Variants in SARDH observed in about 807,000 individuals in gnomAD.
SARDH encodes the protein sarcosine dehydrogenase.
Under a neutral mutation model 109.1 loss-of-function variants are expected in SARDH, and 95 were observed. The ratio of observed to expected loss-of-function variants is 0.87; its 90% CI spans 0.74 to 1.03. The LOEUF is 1.03. SARDH is among the 50% of genes least tolerant of loss of function. The probability of loss-of-function intolerance (pLI) is 0.00; values close to 1 mark genes in which losing one functional copy is unlikely to be tolerated. For missense variants in SARDH, 1,267 were observed against 1,287.8 expected (o/e 0.98, Z 0.25); for synonymous variants, 572 against 534.8 (o/e 1.07, Z -0.96).
At chr9:133,688,358 A>T (rs923515636) in intron 16 of SARDH, among the ~76,000 whole-genome samples, 3 of 126,706 alleles carry the variant, frequency 2.4e-5, no homozygotes, top group Non-Finnish European at 5.1e-5. Context: ...CTCTCAGCAC[A>T]CCCCATCCAC....
intron 13 of SARDH, 76 bp from the exon 14 acceptor site, chr9:133,696,437 G>C: frequency 6.3e-7 from 1 of 1,596,120 alleles, no homozygotes; most frequent in Non-Finnish European, 8.6e-7. Context: ...GTGGAGAACG[G>C]GGGCTGTGTC....
downstream of SARDH, among the ~76,000 whole-genome samples, chr9:133,663,192 G>T (rs952021627): frequency 2.0e-5 from 3 of 152,356 alleles, no homozygotes; most frequent in Admixed American, 2.0e-4. Context: ...GGGAAACTGA[G>T]GCAGGAGCTG....
Position 133,704,373 on chromosome 9 carries a change from C to T in SARDH, c.1554+575G>A, listed in dbSNP as rs557052772. Among the ~76,000 whole-genome samples the T allele has an allele frequency of 3.9e-5, 6 of 152,268 alleles. No homozygotes were observed. Among genetic ancestry groups the T allele is most frequent in the Admixed American group, 1.3e-4 (2 of 15,306 alleles). On this transcript the variant is annotated intron_variant, in intron 12 of 20. Transcript: ENST00000439388. The surrounding 1 kb of genome is among the most constrained non-coding windows in gnomAD (Gnocchi z 4.5). The stretch of plus-strand genomic sequence containing the variant: ...CTTAAGGCCTCGCGTCCCCTGCTCC[C>T]GAGGGTCTGGGTCCCAGGTTTCACA...
chr9:133,681,292 C>A (rs1320148093), intron 17 of SARDH, among the ~76,000 whole-genome samples: 1 of 152,170 alleles, frequency 6.6e-6, no homozygotes, highest in Non-Finnish European at 1.5e-5. Context: ...AGTCCCAGGG[C>A]AGAGCCCCCC....
At chr9:133,660,931 T>C (rs1310600313), downstream of SARDH, among the ~76,000 whole-genome samples, 1 of 152,194 alleles carries the variant, frequency 6.6e-6, no homozygotes, top group Non-Finnish European at 1.5e-5. Flanking sequence ...GGTCGGGTGC[T>C]GTGGCTCATG....
intron 13 of SARDH, among the ~76,000 whole-genome samples, chr9:133,698,105 A>C (rs1399028912): frequency 6.6e-6 from 1 of 152,006 alleles, no homozygotes; most frequent in Admixed American, 6.5e-5. Context: ...AAAAACACAC[A>C]AAAAACTATT....
At position 133,718,468 on chromosome 9, in the gene SARDH, G is replaced by A. The variant is rs931326457; in HGVS notation, c.1020+470C>T. 1.9e-5 allele frequency: 10 copies of A among 515,134 alleles called. No individual in the cohort carries two copies. The highest frequency in any genetic ancestry group is 3.1e-5 in the South Asian group (1 of 32,006). The allele number at this position is 515,134 out of a possible 1,614,324, so 31.9% of individuals were successfully genotyped here. On this transcript the variant is annotated intron_variant, in intron 7 of 20. Coordinates refer to ENST00000439388, the MANE Select transcript of SARDH (RefSeq NM_001134707.2). The surrounding 1 kb of genome is among the most constrained non-coding windows in gnomAD (Gnocchi z 4.2). The stretch of plus-strand genomic sequence containing the variant: ...CCCTCTTTCTCCAGAAATTAAAGCA[G>A]TTTTTAGCCCAAAGTAGCCACTCAG...
At chr9:133,674,876 G>A (rs766750906) in intron 17 of SARDH, among the ~76,000 whole-genome samples, 2 of 152,232 alleles carry the variant, frequency 1.3e-5, no homozygotes, top group Non-Finnish European at 2.9e-5. Flanking sequence ...TCAGATGGAA[G>A]GACATTGATC....
upstream of SARDH, chr9:133,738,507 G>C (rs1832959361): frequency 6.6e-6 from 1 of 152,314 alleles, no homozygotes; most frequent in South Asian, 2.1e-4. Context: ...GGCAGAGCAG[G>C]GTTGTGAACC....
intron 16 of SARDH, among the ~76,000 whole-genome samples, chr9:133,688,018 C>T (rs938737412): frequency 2.0e-5 from 3 of 152,112 alleles, no homozygotes; most frequent in African/African-American, 2.4e-5. Context: ...GCACCTTGAT[C>T]GGTCCATCTG....
rs1832809255 is a variant in SARDH at position 133,734,423 on chromosome 9, A to G, written c.-30-220T>C. ...CATTCATTCACTCATTCATTCATTC[A>G]TTCACTCATTCATTCACTCATTCAT... On this transcript the variant is annotated intron_variant, in intron 1 of 20. Transcript: ENST00000439388. 4.3e-5 allele frequency among the ~76,000 whole-genome samples: 3 copies of G among 69,404 alleles called. No homozygotes were observed. The East Asian group carries it at 1.2e-3, about 28-fold the overall frequency. The allele number at this position is 69,404 out of a possible 152,430, so 45.5% of individuals were successfully genotyped here.
intron 6 of SARDH, chr9:133,725,764 A>G (rs561127676): frequency 2.3e-4 from 52 of 229,236 alleles, no homozygotes; most frequent in Middle Eastern, 2.5e-3. Context: ...TAACCAATAA[A>G]CAAGCCAAAC....
chr9:133,679,340 T>C (rs966574642), intron 17 of SARDH, among the ~76,000 whole-genome samples: 3 of 152,232 alleles, frequency 2.0e-5, no homozygotes, highest in Non-Finnish European at 2.9e-5. Context: ...TTATCTAACG[T>C]GTGTGGGTGC....
At chr9:133,732,401 C>A in intron 3 of SARDH, 22 bp downstream of exon 3, 3 of 788,040 alleles carry the variant, frequency 3.8e-6, no homozygotes, top group Non-Finnish European at 4.0e-6. Flanking sequence ...CCCCTCCTTG[C>A]CCCCCGCAGG....
intron 14 of SARDH, among the ~76,000 whole-genome samples, 192 bp from the exon 15 acceptor site, chr9:133,694,563 C>T (rs2131392324): frequency 6.6e-6 from 1 of 152,322 alleles, no homozygotes; most frequent in East Asian, 1.9e-4. Context: ...CTTAATGACC[C>T]AGAGAGGACT....
At position 133,703,013 on chromosome 9, in the gene SARDH, T is replaced by A; in HGVS notation, c.1571A>T (p.Tyr524Phe). 6.2e-7 allele frequency: 1 copy of A among 1,613,346 alleles called. No homozygotes were observed. Among genetic ancestry groups the A allele is most frequent in the Non-Finnish European group, 8.5e-7 (1 of 1,179,950 alleles). Reference protein sequence around the residue: ...RGPAPVLEYDYYGAYGSRAHE... With the variant: ...RGPAPVLEYDFYGAYGSRAHE... ...CGCGCGGCTCCCGTAAGCCCCGTAG[T>A]AGTCGTACTCGAGGACCTGGGAAGA... The change falls in exon 13 of 21, where the codon TAC becomes TTC. Residue 524 changes from tyrosine to phenylalanine, a missense_variant. By Grantham distance (22) the Tyr-to-Phe change is conservative. Transcript: ENST00000439388.
At chr9:133,699,418 A>G (rs763045026) in intron 13 of SARDH, among the ~76,000 whole-genome samples, 1 of 152,164 alleles carries the variant, frequency 6.6e-6, no homozygotes, top group Non-Finnish European at 1.5e-5. Flanking sequence ...AGGCAGGAGC[A>G]TTGCTTGAAC....
At chr9:133,696,690 A>T (rs948418384) in intron 13 of SARDH, among the ~76,000 whole-genome samples, 4 of 152,248 alleles carry the variant, frequency 2.6e-5, no homozygotes, top group African/African-American at 9.6e-5. Context: ...TGGAAAATTC[A>T]CAAATATGTG....
chr9:133,677,121 A>ATC (rs1490278451), intron 17 of SARDH, among the ~76,000 whole-genome samples: 1 of 152,176 alleles, frequency 6.6e-6, no homozygotes, highest in Non-Finnish European at 1.5e-5. Context: ...CCTGGGCAAC[A>ATC]GAGTGAGACT....
Sources: gnomAD v4.1 joint callset for allele counts (sites outside exome capture counted in the v4.1 genomes callset) on GRCh38, gnomAD v4.1.1 for gene constraint, Gnocchi (gnomAD v3.1) non-coding constraint, MANE v1.5 for transcripts, NCBI Gene and HGNC (gene_info 2026-07-23, HGNC 2026-07-21) for gene names.